AIG1: variants seen among roughly 807,000 people sequenced by gnomAD.
The protein encoded by AIG1 is androgen induced 1, also known as androgen-induced gene 1 protein.
In AIG1, 23 loss-of-function variants were observed where a neutral mutation model predicts 31.4. The ratio of observed to expected loss-of-function variants is 0.73; its 90% CI spans 0.53 to 1.04. AIG1 has a LOEUF of 1.04. Ranked by LOEUF, AIG1 falls within the 50% of genes least tolerant of loss-of-function variation. The probability of loss-of-function intolerance (pLI) is 0.00; values close to 1 mark genes in which losing one functional copy is unlikely to be tolerated. For missense variants in AIG1, 274 were observed against 295.0 expected (o/e 0.93, Z 0.52); for synonymous variants, 100 against 110.5 (o/e 0.90, Z 0.60).
At chr6:143,163,762 T>C (rs944006614) in intron 2 of AIG1, among the ~76,000 whole-genome samples, 12 of 152,228 alleles carry the variant, frequency 7.9e-5, no homozygotes, top group African/African-American at 2.9e-4. Context: ...TCTGTGTTTA[T>C]AATCCTAATC....
At chr6:143,112,750 T>A (rs773955897) in intron 1 of AIG1, among the ~76,000 whole-genome samples, 1 of 152,136 alleles carries the variant, frequency 6.6e-6, no homozygotes, top group Non-Finnish European at 1.5e-5. Context: ...CCAGGAAAAC[T>A]CCTGGCAACC....
intron 1 of AIG1, among the ~76,000 whole-genome samples, chr6:143,111,659 C>T (rs555841784): frequency 3.3e-5 from 5 of 152,222 alleles, no homozygotes; most frequent in Non-Finnish European, 5.9e-5. Context: ...TGGACCTCTC[C>T]ATTTGAGTGC....
chr6:143,067,828 T>C (rs1394274925), intron 1 of AIG1, among the ~76,000 whole-genome samples: 1 of 152,032 alleles, frequency 6.6e-6, no homozygotes, highest in Non-Finnish European at 1.5e-5. Context: ...TTTTTTGGGG[T>C]TTTGGATATT....
chr6:143,209,291 C>G (rs539237463), intron 3 of AIG1, among the ~76,000 whole-genome samples: 1 of 152,328 alleles, frequency 6.6e-6, no homozygotes, highest in South Asian at 2.1e-4. Context: ...TTGTGGTAGG[C>G]AGACTCATGT....
intron 3 of AIG1, among the ~76,000 whole-genome samples, chr6:143,265,224 GC>G (rs1378206736): frequency 6.6e-6 from 1 of 152,150 alleles, no homozygotes; most frequent in Non-Finnish European, 1.5e-5. Flanking sequence ...ACAAACAAAA[GC>G]CACTCCATTC....
intron 2 of AIG1, among the ~76,000 whole-genome samples, chr6:143,139,699 T>C (rs1784092550): frequency 6.6e-6 from 1 of 152,106 alleles, no homozygotes; most frequent in Non-Finnish European, 1.5e-5. Context: ...TTTCTCTCTC[T>C]CCTCTCCTCT....
At chr6:143,271,325 T>C (rs572890099) in intron 3 of AIG1, among the ~76,000 whole-genome samples, 3 of 152,364 alleles carry the variant, frequency 2.0e-5, no homozygotes, top group African/African-American at 7.2e-5. Context: ...TGCCAGTCCA[T>C]GCTTGGCAAG....
intron 5 of AIG1, chr6:143,335,150 C>T: frequency 5.1e-6 from 7 of 1,375,510 alleles, no homozygotes; most frequent in Non-Finnish European, 6.6e-6. Context: ...CAAGAGGGGT[C>T]ACAAACTGCT....
intron 4 of AIG1, among the ~76,000 whole-genome samples, chr6:143,286,007 G>C (rs1433299681): frequency 6.6e-6 from 1 of 150,986 alleles, no homozygotes; most frequent in Non-Finnish European, 1.5e-5. Context: ...TTAAAAATCA[G>C]TCTCGCATCC....
intron 3 of AIG1, among the ~76,000 whole-genome samples, chr6:143,185,336 C>T (rs1789158431): frequency 2.0e-5 from 3 of 152,132 alleles, no homozygotes; most frequent in Admixed American, 2.0e-4. Context: ...ATTTATGCCT[C>T]TTCTTAAGGT....
intron 2 of AIG1, among the ~76,000 whole-genome samples, chr6:143,141,774 G>A (rs1231120841): frequency 1.3e-5 from 2 of 152,162 alleles, no homozygotes; most frequent in Non-Finnish European, 2.9e-5. Context: ...AAGCACTGAA[G>A]TTTATTAGCA....
At chr6:143,084,588 CT>C (rs1160710556) in intron 1 of AIG1, among the ~76,000 whole-genome samples, 6 of 152,110 alleles carry the variant, frequency 3.9e-5, no homozygotes, top group African/African-American at 1.4e-4. Context: ...CTAAGGCGGA[CT>C]TTTGAAGTTT....
intron 3 of AIG1, among the ~76,000 whole-genome samples, chr6:143,220,548 G>A (rs1792402452): frequency 6.6e-6 from 1 of 152,038 alleles, no homozygotes; most frequent in African/African-American, 2.4e-5. Flanking sequence ...GCTTCATCAC[G>A]GGTAAGCAAC....
At chr6:143,230,373 T>C (rs1031033326) in intron 3 of AIG1, among the ~76,000 whole-genome samples, 5 of 150,592 alleles carry the variant, frequency 3.3e-5, no homozygotes, top group Non-Finnish European at 7.4e-5. Flanking sequence ...GTTTATATTA[T>C]AGCTTACATA....
intron 1 of AIG1, among the ~76,000 whole-genome samples, chr6:143,127,689 T>C (rs979076860): frequency 2.0e-5 from 3 of 151,878 alleles, no homozygotes; most frequent in African/African-American, 7.3e-5. Flanking sequence ...GGTGCTGACC[T>C]TTCTTGTTTT....
intron 3 of AIG1, among the ~76,000 whole-genome samples, chr6:143,176,663 A>T (rs908349759): frequency 6.6e-6 from 1 of 152,220 alleles, no homozygotes; most frequent in Non-Finnish European, 1.5e-5. Context: ...CTTAGCTCCC[A>T]TGCAGCCTGC....
At chr6:143,135,273 G>C (rs1018507736) in intron 1 of AIG1, among the ~76,000 whole-genome samples, 5 of 151,978 alleles carry the variant, frequency 3.3e-5, no homozygotes, top group Non-Finnish European at 5.9e-5. Flanking sequence ...CTCTGGTAGG[G>C]TCACTCCAGT....
At chr6:143,146,549 C>G (rs1784731394) in intron 2 of AIG1, among the ~76,000 whole-genome samples, 1 of 151,774 alleles carries the variant, frequency 6.6e-6, no homozygotes, top group Admixed American at 6.6e-5. Context: ...CCTCTTCTCT[C>G]TTTCTCTCTC....
chr6:143,339,475 G>A, intron 5 of AIG1, 164 bp from the exon 6 acceptor site: 1 of 599,698 alleles, frequency 1.7e-6, no homozygotes, highest in South Asian at 2.1e-5. Context: ...GTTGTGCATG[G>A]CTTTCCTTCT....
Sources: gnomAD v4.1 joint callset for allele counts (sites outside exome capture counted in the v4.1 genomes callset) on GRCh38, gnomAD v4.1.1 for gene constraint, MANE v1.5 for transcripts, NCBI Gene and HGNC (gene_info 2026-07-23, HGNC 2026-07-21) for gene names.